PPARGC1A: variants seen among roughly 807,000 people sequenced by gnomAD.
PPARGC1A encodes the protein PPARG coactivator 1 alpha, also known as peroxisome proliferator-activated receptor gamma coactivator 1-alpha.
A neutral mutation model predicts 88.7 loss-of-function variants in PPARGC1A; 25 were observed. That is an observed-to-expected ratio of 0.28 (90% CI 0.21 to 0.39). The LOEUF (loss-of-function observed/expected upper bound fraction) is 0.39. Among genes scored for constraint, PPARGC1A ranks in the 10% least tolerant of loss-of-function variants. The pLI, the probability that PPARGC1A is intolerant of heterozygous loss-of-function variation, is 1.00. For missense variants in PPARGC1A, 880 were observed against 968.7 expected (o/e 0.91, Z 1.22); for synonymous variants, 363 against 355.6 (o/e 1.02, Z -0.24).
At chr4:23,843,574 T>C (rs1727450724) in intron 2 of PPARGC1A, among the ~76,000 whole-genome samples, 1 of 152,082 alleles carries the variant, frequency 6.6e-6, no homozygotes, top group African/African-American at 2.4e-5. Flanking sequence ...AAATATGGAT[T>C]TGTTGAAAAC....
chr4:24,328,603 A>G, the PPARGC1A span, among the ~76,000 whole-genome samples: 3 of 152,208 alleles, frequency 2.0e-5, no homozygotes, highest in Non-Finnish European at 2.9e-5. Context: ...CCTAACTAAC[A>G]TCATCTCCCT....
chr4:24,125,048 T>G, the PPARGC1A span, among the ~76,000 whole-genome samples: 1 of 152,032 alleles, frequency 6.6e-6, no homozygotes, highest in Admixed American at 6.6e-5. Context: ...GGTTAGAAAC[T>G]TAACGCTTCA....
At chr4:24,006,850 T>C in the PPARGC1A span, among the ~76,000 whole-genome samples, 3 of 152,210 alleles carry the variant, frequency 2.0e-5, no homozygotes, top group African/African-American at 4.8e-5. Flanking sequence ...TAAAATCTGG[T>C]ATGCAACAGC....
At chr4:24,039,369 C>A in the PPARGC1A span, among the ~76,000 whole-genome samples, 2 of 152,024 alleles carry the variant, frequency 1.3e-5, no homozygotes, top group Non-Finnish European at 2.9e-5. Context: ...ATTCCAGATT[C>A]CCTAGTATTT....
chr4:24,249,533 C>T, the PPARGC1A span, among the ~76,000 whole-genome samples: 24 of 152,246 alleles, frequency 1.6e-4, no homozygotes, highest in South Asian at 3.9e-3. Flanking sequence ...CAGGGTCTCG[C>T]GCCATGAAGA....
At chr4:24,457,274 C>CG in the PPARGC1A span, among the ~76,000 whole-genome samples, 7 of 151,886 alleles carry the variant, frequency 4.6e-5, no homozygotes, top group Non-Finnish European at 1.0e-4. Flanking sequence ...TTTAATGAAC[C>CG]GGGGTCCAAA....
chr4:24,195,146 A>G, the PPARGC1A span, among the ~76,000 whole-genome samples: 4 of 152,216 alleles, frequency 2.6e-5, no homozygotes, highest in African/African-American at 9.6e-5. Flanking sequence ...AACAGTGGAG[A>G]GTACAGACTC....
chr4:24,008,704 TA>T, the PPARGC1A span, among the ~76,000 whole-genome samples: 24,254 of 150,374 alleles, frequency 0.16, 2,307 homozygotes, highest in Admixed American at 0.29. Context: ...GCTTTTGATA[TA>T]AAAAAAAAAA....
chr4:24,195,963 G>A, the PPARGC1A span, among the ~76,000 whole-genome samples: 1 of 152,212 alleles, frequency 6.6e-6, no homozygotes, highest in Admixed American at 6.5e-5. Context: ...TTTACAAGTT[G>A]GGAAGTCAGG....
chr4:24,145,078 AGTGT>A, the PPARGC1A span, among the ~76,000 whole-genome samples: 7,394 of 144,236 alleles, frequency 0.051, 330 homozygotes, highest in African/African-American at 0.13. Flanking sequence ...GTGTTGAATG[AGTGT>A]GTGTGTGTGT....
the PPARGC1A span, among the ~76,000 whole-genome samples, chr4:24,008,578 A>G: frequency 6.6e-6 from 1 of 152,196 alleles, no homozygotes; most frequent in Non-Finnish European, 1.5e-5. Flanking sequence ...TTACAAAGCT[A>G]AACGCCAATA....
chr4:24,370,749 CTTTTTTTTTTTTTTTTT>C, the PPARGC1A span, among the ~76,000 whole-genome samples: 11 of 62,912 alleles, frequency 1.7e-4, no homozygotes, highest in South Asian at 1.4e-3. Context: ...CTGTCTCTCT[CTTTTTTTTTTTTTTTTT>C]TTTTTTTTTT....
the PPARGC1A span, among the ~76,000 whole-genome samples, chr4:24,328,251 GCCC>G: frequency 3.1e-5 from 4 of 130,914 alleles, no homozygotes; most frequent in African/African-American, 8.9e-5. Context: ...GAAATTAGCA[GCCC>G]CCCCCCCAAT....
chr4:23,866,009 T>G (rs1313702563), intron 2 of PPARGC1A: 2 of 152,026 alleles, frequency 1.3e-5, no homozygotes, highest in African/African-American at 4.8e-5. Flanking sequence ...TGGTGAATAA[T>G]AGTTGATGAA....
the PPARGC1A span, among the ~76,000 whole-genome samples, chr4:24,100,424 A>AT: frequency 1.3e-5 from 2 of 152,122 alleles, no homozygotes; most frequent in Non-Finnish European, 2.9e-5. Flanking sequence ...TTCTGCAAGG[A>AT]TTTTTAGAGG....
chr4:23,900,542 T>C (rs1200953891), upstream of PPARGC1A, among the ~76,000 whole-genome samples: 1 of 152,228 alleles, frequency 6.6e-6, no homozygotes, highest in African/African-American at 2.4e-5. Context: ...TACTCCATAA[T>C]GATGCCTGCC....
At chr4:23,974,817 T>A in the PPARGC1A span, among the ~76,000 whole-genome samples, 55 of 137,494 alleles carry the variant, frequency 4.0e-4, no homozygotes, top group African/African-American at 1.4e-3. Flanking sequence ...TTTTTTTTTT[T>A]TTTTTTTTTT....
chr4:24,448,311 G>A, the PPARGC1A span, among the ~76,000 whole-genome samples: 2 of 152,054 alleles, frequency 1.3e-5, no homozygotes, highest in East Asian at 3.9e-4. Flanking sequence ...CAGAGGCAGC[G>A]GCCCACACTC....
At chr4:24,005,051 TC>T in the PPARGC1A span, among the ~76,000 whole-genome samples, 1 of 152,018 alleles carries the variant, frequency 6.6e-6, no homozygotes, top group African/African-American at 2.4e-5. Context: ...AGAGATGAGG[TC>T]TTCAAGGGGG....
Sources: allele counts gnomAD v4.1 joint callset (sites outside exome capture counted in the v4.1 genomes callset), GRCh38; gene constraint gnomAD v4.1.1; transcripts MANE v1.5; gene names NCBI Gene and HGNC (gene_info 2026-07-23, HGNC 2026-07-21).